MRPL58: variants seen among roughly 807,000 people sequenced by gnomAD.
MRPL58 encodes the protein mitochondrial ribosomal protein L58.
MRPL58 carries 17 observed loss-of-function variants against 26.0 expected under a neutral mutation model. The ratio of observed to expected loss-of-function variants is 0.65; its 90% CI spans 0.45 to 0.98. MRPL58 has a LOEUF of 0.98. MRPL58 is among the 50% of genes least tolerant of loss of function. The probability of loss-of-function intolerance (pLI) is 0.00; values close to 1 mark genes in which losing one functional copy is unlikely to be tolerated. For synonymous variants in MRPL58, 100 were observed against 99.7 expected, an observed-to-expected ratio of 1.00 and a Z score of -0.02; for missense variants, 250 against 269.0, an observed-to-expected ratio of 0.93 and a Z score of 0.49.
intron 2 of MRPL58, 33 bp downstream of exon 2, chr17:75,017,147 G>T: frequency 6.4e-7 from 1 of 1,558,876 alleles, no homozygotes; most frequent in Non-Finnish European, 8.8e-7. Context: ...AAATCAGTTG[G>T]CTGCGTGGTG....
Position 75,020,597 on chromosome 17 carries a change from CTG to C in MRPL58, c.477_478del (p.Glu160GlyfsTer14), listed in dbSNP as rs1309022185. Reference sequence around the variant, plus strand: ...CTGCAGAAAATTCGAGACATGATCACTGAGGCCAGCCAGACACCGAAGGAGCC... The same window carrying C: ...CTGCAGAAAATTCGAGACATGATCACAGGCCAGCCAGACACCGAAGGAGCC... On this transcript the variant is annotated frameshift_variant, in exon 5 of 6. Transcript: ENST00000301585. LOFTEE classifies it high-confidence loss of function. 1 of 1,614,050 alleles carries C rather than the reference CTG, an allele frequency of 6.2e-7. No individual in the cohort carries two copies. Among genetic ancestry groups the C allele is most frequent in the African/African-American group, 1.3e-5 (1 of 74,910 alleles).
intron 2 of MRPL58, chr17:75,018,551 T>C (rs923469780): frequency 6.6e-6 from 1 of 152,150 alleles, no homozygotes; most frequent in Admixed American, 6.6e-5. Context: ...TATTTCTGAA[T>C]ATCTGTATCT....
At chr17:75,020,183 G>T (rs2144888402) in intron 3 of MRPL58, 130 bp from the exon 4 acceptor site, 1 of 728,290 alleles carries the variant, frequency 1.4e-6, no homozygotes, top group Non-Finnish European at 2.3e-6. Flanking sequence ...AGCCAACTTG[G>T]ACATAGGCTA....
Position 75,012,704 on chromosome 17 carries a change from C to T in MRPL58, c.18C>T (p.Cys6=), listed in dbSNP as rs1354852109. 7 of 1,559,598 alleles carry T rather than the reference C, an allele frequency of 4.5e-6. No homozygotes were observed. The Admixed American group carries it at 1.2e-4, about 26-fold the overall frequency. ...ACCTGAGCATGGCGGCCACCAGGTG[C>T]CTGCGCTGGGGCCTGAGCCGAGCCG... MAATR[C]LRWGLSRAGV... The change falls in exon 1 of 6, where the codon TGC becomes TGT. Residue 6 remains cysteine, a synonymous_variant. Transcript: ENST00000301585.
chr17:75,016,934 C>T (rs2039978325), intron 1 of MRPL58, 144 bp from the exon 2 acceptor site: 11 of 703,528 alleles, frequency 1.6e-5, no homozygotes, highest in Admixed American at 1.4e-4. Flanking sequence ...TTTCTGTCAT[C>T]GTGATATCAT....
At chr17:75,016,261 A>C (rs543157166) in intron 1 of MRPL58, among the ~76,000 whole-genome samples, 23 of 151,022 alleles carry the variant, frequency 1.5e-4, no homozygotes, top group African/African-American at 4.9e-4. Context: ...AAAAAAAAAA[A>C]CAACAATAGC....
intron 3 of MRPL58, 54 bp downstream of exon 3, chr17:75,019,813 C>T (rs1490119101): frequency 1.4e-6 from 2 of 1,390,224 alleles, no homozygotes; most frequent in Non-Finnish European, 2.0e-6. Flanking sequence ...GGGAGATGGG[C>T]TTGAGGAGCT....
rs150773057 is a variant in MRPL58, at chr17:75,017,599, T to C, written c.223+485T>C. ...CCCCATCTCTACTAAAAATACAAAA[T>C]TAGCCGGGTGTGGTGGCGAGGGCCT... On this transcript the variant is annotated intron_variant, in intron 2 of 5. Coordinates refer to ENST00000301585, the MANE Select transcript of MRPL58 (RefSeq NM_001545.3). 4.9e-4 allele frequency among the ~76,000 whole-genome samples: 75 copies of C among 151,648 alleles called. 1 individual carries two copies. The highest frequency in any genetic ancestry group is 8.0e-4 in the African/African-American group (33 of 41,362).
Position 75,020,472 on chromosome 17 carries a change from C to T in MRPL58, c.367-16C>T, listed in dbSNP as rs1226120310. On this transcript the variant is annotated splice_polypyrimidine_tract_variant and intron_variant, in intron 4 of 5. Coordinates refer to ENST00000301585, the MANE Select transcript of MRPL58 (RefSeq NM_001545.3). ...TTTACTCTGTAGGACTCCAGTTTTTCATTTGTTCTCTGCAGCATAAAAACA... is the reference window on the plus strand; with the variant it reads ...TTTACTCTGTAGGACTCCAGTTTTTTATTTGTTCTCTGCAGCATAAAAACA... 2 of 1,613,700 alleles carry T rather than the reference C, an allele frequency of 1.2e-6. No individual in the cohort carries two copies. Among genetic ancestry groups the T allele is most frequent in the Admixed American group, 1.7e-5 (1 of 59,970 alleles).
In MRPL58 at chr17:75,019,688, T is replaced by C. The variant is rs774470080; in HGVS notation, c.224-12T>C. On this transcript the variant is annotated splice_polypyrimidine_tract_variant and intron_variant, in intron 2 of 5. Coordinates refer to ENST00000301585, the MANE Select transcript of MRPL58 (RefSeq NM_001545.3). ...AATCAGTTTTGTGTGTGTACTTTCT[T>C]CTGTTTTACAGATCGCTTGACAATA... 6.2e-7 allele frequency: 1 copy of C among 1,612,816 alleles called. No homozygotes were observed.
At chr17:75,019,233 T>C (rs1567980902) in intron 2 of MRPL58, among the ~76,000 whole-genome samples, 1 of 152,042 alleles carries the variant, frequency 6.6e-6, no homozygotes, top group African/African-American at 2.4e-5. Flanking sequence ...AGAAGTGTCT[T>C]GTGACAGCCT....
In MRPL58 at chr17:75,012,757, G is replaced by A; in HGVS notation, c.71G>A (p.Arg24Gln). Residue 24 changes from arginine to glutamine, a missense_variant, in exon 1 of 6, where the codon CGG becomes CAG. Physicochemically the swap from Arg to Gln is conservative, Grantham distance 43. Coordinates refer to ENST00000301585, the MANE Select transcript of MRPL58 (RefSeq NM_001545.3). ...GTCTGGCTGCTCCCACCGCCCGCAC[G>A]GTGCCCACGCCGGGCGCTGCACAAG... ...AGVWLLPPPA[R>Q]CPRRALHKQK... 2 of 1,593,784 alleles carry A rather than the reference G, an allele frequency of 1.3e-6. No homozygotes were observed. Among genetic ancestry groups the A allele is most frequent in the Non-Finnish European group, 1.7e-6 (2 of 1,171,684 alleles).
chr17:75,021,198 TCACC>T lies in MRPL58; in HGVS notation c.*194_*197del. On this transcript the variant is annotated 3_prime_UTR_variant, in exon 6 of 6. Coordinates refer to ENST00000301585, the MANE Select transcript of MRPL58 (RefSeq NM_001545.3). ...TGGTTGCAGACGTCTTTATAGGCAG[TCACC>T]ATGTTGTCAAACCTTAATAATGCAC... 1 of 588,086 alleles carries T rather than the reference TCACC, an allele frequency of 1.7e-6. No homozygotes were observed. Among genetic ancestry groups the T allele is most frequent in the Non-Finnish European group, 3.1e-6 (1 of 323,132 alleles). 36.4% of individuals were successfully genotyped at this position (588,086 alleles called of 1,614,324 possible). A position where few individuals can be genotyped will look rare whatever the true frequency, so the allele number is the denominator to read the frequency against.
At chr17:75,013,601 A>G (rs1278022719) in intron 1 of MRPL58, among the ~76,000 whole-genome samples, 1 of 152,228 alleles carries the variant, frequency 6.6e-6, no homozygotes, top group African/African-American at 2.4e-5. Flanking sequence ...AATAAAGCCA[A>G]GAAGGAAGAA....
At chr17:75,019,559 A>T (rs1367281555) in intron 2 of MRPL58, 141 bp from the exon 3 acceptor site, 1 of 725,872 alleles carries the variant, frequency 1.4e-6, no homozygotes, top group Non-Finnish European at 2.4e-6. Context: ...GTGGTGCCAC[A>T]GTTCCTTGCC....
intron 1 of MRPL58, among the ~76,000 whole-genome samples, chr17:75,016,869 C>T (rs1194722769): frequency 6.6e-6 from 1 of 152,194 alleles, no homozygotes; most frequent in African/African-American, 2.4e-5. Context: ...GACATCAGAT[C>T]CATTTTCGTA....
intron 5 of MRPL58, 36 bp downstream of exon 5, chr17:75,020,693 T>A (rs1388558708): frequency 6.2e-7 from 1 of 1,602,908 alleles, no homozygotes; most frequent in Admixed American, 1.7e-5. Context: ...ATAAACTGAT[T>A]TGTGTGGACA....
At chr17:75,015,815 TGGAGTGCAGTGTCCCAGGCA>T (rs1246133597) in intron 1 of MRPL58, among the ~76,000 whole-genome samples, 3 of 152,200 alleles carry the variant, frequency 2.0e-5, no homozygotes, top group African/African-American at 7.2e-5. Context: ...TCACCCAGGC[TGGAGTGCAGTGTCCCAGGCA>T]GGAGTGCAGT....
rs759359119 is a variant in MRPL58, at chr17:75,020,376, G to A, written c.347G>A (p.Arg116Gln). The change falls in exon 4 of 6, where the codon CGG becomes CAG. Residue 116 changes from arginine to glutamine, a missense_variant. Arg to Gln is a conservative substitution (Grantham distance 43). Coordinates refer to ENST00000301585, the MANE Select transcript of MRPL58 (RefSeq NM_001545.3). ...GCCGAGTGGATCGCGGAGCCCGTGC[G>A]GCAGAAGATAGCCATCACGGTAACC... ...ATAEWIAEPV[R>Q]QKIAITHKNK... 1.9e-5 allele frequency: 31 copies of A among 1,613,960 alleles called. No individual in the cohort carries two copies. Among genetic ancestry groups the A allele is most frequent in the Middle Eastern group, 1.6e-4 (1 of 6,082 alleles).
Sources: allele counts gnomAD v4.1 joint callset (sites outside exome capture counted in the v4.1 genomes callset), GRCh38; gene constraint gnomAD v4.1.1; transcripts MANE v1.5; gene names NCBI Gene and HGNC (gene_info 2026-07-23, HGNC 2026-07-21).